Variants in ATAD2B observed in about 807,000 individuals in gnomAD.
The protein encoded by ATAD2B is ATPase family AAA domain containing 2B.
Under a neutral mutation model 167.6 loss-of-function variants are expected in ATAD2B, and 40 were observed. The observed-to-expected ratio is 0.24, with a 90% CI of 0.19 to 0.31. The LOEUF is 0.31. Among genes scored for constraint, ATAD2B ranks in the 10% least tolerant of loss-of-function variants. ATAD2B has a pLI of 1.00. For missense variants in ATAD2B, 1,242 were observed against 1,757.2 expected (o/e 0.71, Z 5.24); for synonymous variants, 579 against 596.5 (o/e 0.97, Z 0.43).
the ATAD2B span, among the ~76,000 whole-genome samples, chr2:23,720,994 T>TCCCAGCAGCATAAAGC: frequency 0.57 from 86,135 of 150,976 alleles, 25,272 homozygotes; most frequent in East Asian, 0.79. Context: ...TTCCACCACA[T>TCCCAGCAGCATAAAGC]CCCAGCAGCA....
intron 14 of ATAD2B, chr2:23,832,278 A>G (rs1168076377): frequency 4.3e-6 from 2 of 467,202 alleles, no homozygotes; most frequent in African/African-American, 4.0e-5. Flanking sequence ...AAACTATTTA[A>G]GGGAAAAAGG....
rs568237466 is a variant in ATAD2B at position 23,757,122 on chromosome 2, A to AT, written c.4078+295dup. On this transcript the variant is annotated intron_variant, in intron 25 of 27. Coordinates refer to ENST00000238789, the MANE Select transcript of ATAD2B (RefSeq NM_017552.4). The stretch of plus-strand genomic sequence containing the variant: ...GGATTTACTCAGCTTTCAGTCATAA[A>AT]TCCCTGAGGCTAGGGGTGATAATCA... Among the ~76,000 whole-genome samples, 11 of 152,240 alleles carry AT rather than the reference A, an allele frequency of 7.2e-5. No homozygotes were observed. In the South Asian group the frequency reaches 2.3e-3, roughly 32 times the overall value.
chr2:23,921,205 C>CGAAA (rs560022881), intron 1 of ATAD2B, among the ~76,000 whole-genome samples: 11 of 32,286 alleles, frequency 3.4e-4, no homozygotes, highest in Admixed American at 5.7e-4. Context: ...GACTCCATCT[C>CGAAA]AAAAAAAAAA....
At chr2:23,689,762 G>A in the ATAD2B span, 4 of 152,496 alleles carry the variant, frequency 2.6e-5, no homozygotes, top group South Asian at 2.1e-4. Context: ...ACAGGAGTAC[G>A]AGGTTGACCA....
intron 1 of ATAD2B, among the ~76,000 whole-genome samples, chr2:23,918,168 C>T (rs983879247): frequency 1.4e-5 from 2 of 145,808 alleles, no homozygotes; most frequent in African/African-American, 5.1e-5. Context: ...GAGTTTGAGA[C>T]CAGCTTGGGC....
chr2:23,877,258 A>T (rs769537307), intron 7 of ATAD2B, among the ~76,000 whole-genome samples: 1 of 151,154 alleles, frequency 6.6e-6, no homozygotes, highest in Non-Finnish European at 1.5e-5. Context: ...TTTGAGGCGC[A>T]GTGGATCACT....
At chr2:23,801,986 T>C (rs950973070) in intron 18 of ATAD2B, among the ~76,000 whole-genome samples, 2 of 152,120 alleles carry the variant, frequency 1.3e-5, no homozygotes, top group East Asian at 1.9e-4. Context: ...CCTTTAGAAA[T>C]TGAAAACTAG....
chr2:23,880,060 A>C (rs1697626873), intron 7 of ATAD2B, among the ~76,000 whole-genome samples: 1 of 151,954 alleles, frequency 6.6e-6, no homozygotes, highest in Non-Finnish European at 1.5e-5. Context: ...GTTTTTAAAA[A>C]AAAAAAAAAA....
chr2:23,780,500 G>A (rs1169276050), intron 22 of ATAD2B, among the ~76,000 whole-genome samples: 1 of 152,070 alleles, frequency 6.6e-6, no homozygotes, highest in Non-Finnish European at 1.5e-5. Context: ...ATTTATTATG[G>A]TTGAAACTGA....
chr2:23,853,113 A>G (rs1692832878), intron 13 of ATAD2B, among the ~76,000 whole-genome samples: 1 of 152,238 alleles, frequency 6.6e-6, no homozygotes, highest in Non-Finnish European at 1.5e-5. Flanking sequence ...AATAAAGGGC[A>G]CCTATGAAAA....
Position 23,810,321 on chromosome 2 carries a change from C to T in ATAD2B, c.2449G>A (p.Ala817Thr), listed in dbSNP as rs780014487. The change falls in exon 18 of 28, where the codon GCA becomes ACA. Residue 817 changes from alanine to threonine, a missense_variant. By Grantham distance (58) the Ala-to-Thr change is moderately conservative. Coordinates refer to ENST00000238789, the MANE Select transcript of ATAD2B (RefSeq NM_017552.4). ...CTGATGTGGTACAAACCTACCTGTG[C>T]ACATGATTCCTCAGGTGTTTTGGCA... is the stretch of plus-strand genomic sequence containing the variant. ...VSAKTPEESC[A>T]QIFREARRTV... 6.2e-7 allele frequency: 1 copy of T among 1,612,888 alleles called. No individual in the cohort carries two copies. The highest frequency in any genetic ancestry group is 8.5e-7 in the Non-Finnish European group (1 of 1,179,044).
chr2:23,691,646 G>A, the ATAD2B span: 66 of 1,547,288 alleles, frequency 4.3e-5, no homozygotes, highest in Non-Finnish European at 5.3e-5. Flanking sequence ...AGGGCAGGAG[G>A]TAAGGACACC....
At chr2:23,821,420 C>G (rs1687427876) in intron 16 of ATAD2B, among the ~76,000 whole-genome samples, 2 of 152,192 alleles carry the variant, frequency 1.3e-5, no homozygotes, top group Non-Finnish European at 2.9e-5. Flanking sequence ...ATACACAAAT[C>G]ATGGCATCGT....
At chr2:23,829,157 G>GT (rs58663531) in intron 14 of ATAD2B, among the ~76,000 whole-genome samples, 152,358 of 152,358 alleles carry the variant, frequency 1, 76,179 homozygotes, top group Non-Finnish European at 1. Flanking sequence ...TCTTGTCTGT[G>GT]TTCACAACCT....
chr2:23,899,918 CTTTTTTTTTTT>C (rs34685891), intron 1 of ATAD2B, among the ~76,000 whole-genome samples: 1 of 83,604 alleles, frequency 1.2e-5, no homozygotes, highest in Admixed American at 1.7e-4. Flanking sequence ...AGTTTTCTTA[CTTTTTTTTTTT>C]TTTTTTTTTT....
chr2:23,692,648 G>A, the ATAD2B span, among the ~76,000 whole-genome samples: 1 of 152,182 alleles, frequency 6.6e-6, no homozygotes, highest in East Asian at 1.9e-4. Context: ...GCCTAGGTTG[G>A]AAGAACCACT....
chr2:23,926,823 C>A lies in ATAD2B; in HGVS notation c.-53G>T. 1 of 1,453,330 alleles carries A rather than the reference C, an allele frequency of 6.9e-7. No individual in the cohort carries two copies. The highest frequency in any genetic ancestry group is 1.4e-5 in the South Asian group (1 of 69,056). The allele number at this position is 1,453,330 out of a possible 1,614,324, so 90.0% of individuals were successfully genotyped here. A position where few individuals can be genotyped will look rare whatever the true frequency, so the allele number is the denominator to read the frequency against. ...CCGCGCCCGGGAGAGCCGAGCAAGG[C>A]CGGCCCGCCGGCCGGTCAGTCAGGG... On this transcript the variant is annotated 5_prime_UTR_variant, in exon 1 of 28. Transcript: ENST00000238789.
chr2:23,745,422 A>AAGGAAGGAAGGAAGGAAGGAAGGAAGGG (rs1491261605), downstream of ATAD2B, among the ~76,000 whole-genome samples: 2 of 85,012 alleles, frequency 2.4e-5, no homozygotes, highest in African/African-American at 5.3e-5. Flanking sequence ...GGAAGGAAGG[A>AAGGAAGGAAGGAAGGAAGGAAGGAAGGG]AAGGGAAGGG....
At chr2:23,747,241 T>C (rs1029672000), downstream of ATAD2B, among the ~76,000 whole-genome samples, 10 of 151,936 alleles carry the variant, frequency 6.6e-5, no homozygotes, top group African/African-American at 2.4e-4. Context: ...ACATAGTAAC[T>C]TACTATGTAA....
Sources: gnomAD v4.1 joint callset for allele counts (sites outside exome capture counted in the v4.1 genomes callset) on GRCh38, gnomAD v4.1.1 for gene constraint, MANE v1.5 for transcripts, NCBI Gene and HGNC (gene_info 2026-07-23, HGNC 2026-07-21) for gene names.